The following DNAH9 variants were observed in gnomAD, a reference collection of about 807,000 sequenced individuals.
DNAH9 encodes dynein axonemal heavy chain 9.
In DNAH9, 345 loss-of-function variants were observed where a neutral mutation model predicts 471.6. The observed-to-expected ratio is 0.73, with a 90% confidence interval of 0.67 to 0.80. The LOEUF is 0.80. DNAH9 is among the 30% of genes least tolerant of loss of function. The probability of loss-of-function intolerance (pLI) is 0.00; values close to 1 mark genes in which losing one functional copy is unlikely to be tolerated. For missense variants in DNAH9, 5,407 were observed against 5,609.2 expected, an observed-to-expected ratio of 0.96 and a Z score of 1.15; for synonymous variants, 2,093 against 2,123.6, an observed-to-expected ratio of 0.99 and a Z score of 0.40.
rs1235625597 is a variant in DNAH9, at chr17:11,632,704, G to C, written c.1635+1G>C. 2 of 1,532,866 alleles carry C rather than the reference G, an allele frequency of 1.3e-6. No homozygotes were observed. Among genetic ancestry groups the C allele is most frequent in the Non-Finnish European group, 1.8e-6 (2 of 1,105,916 alleles). 95.0% of individuals were successfully genotyped at this position (1,532,866 alleles called of 1,614,324 possible). ...ACCTGGCTTGGAGCATGCCTTTAAGGTTTGTGTAAATGGGGCAGGAGCCAC... is the reference window on the plus strand; with the variant it reads ...ACCTGGCTTGGAGCATGCCTTTAAGCTTTGTGTAAATGGGGCAGGAGCCAC... On this transcript the variant is annotated splice_donor_variant, in intron 8 of 68. Transcript: ENST00000262442. LOFTEE classifies it high-confidence loss of function.
Position 11,891,844 on chromosome 17 carries a change from T to G in DNAH9, c.11180T>G (p.Val3727Gly), listed in dbSNP as rs754311481. The G allele has an allele frequency of 6.2e-7, 1 of 1,613,982 alleles. No individual in the cohort carries two copies. Among genetic ancestry groups the G allele is most frequent in the Non-Finnish European group, 8.5e-7 (1 of 1,179,992 alleles). ...AAPDESLRER[V>G]ANLIDSITFS... Reference sequence around the variant, plus strand: ...CCTGACGAAAGCCTCAGGGAGCGGGTGGCCAACCTAATAGACAGCATAACC... The same window carrying G: ...CCTGACGAAAGCCTCAGGGAGCGGGGGGCCAACCTAATAGACAGCATAACC... The change falls in exon 58 of 69, where the codon GTG (valine) becomes GGG (glycine). Residue 3727 changes from valine (V) to glycine (G), a missense_variant. Coordinates refer to ENST00000262442, the MANE Select transcript of DNAH9 (RefSeq NM_001372.4).
In DNAH9 at chr17:11,632,616, C is replaced by T; in HGVS notation, c.1548C>T (p.Asn516=). 5 of 1,604,746 alleles carry T rather than the reference C, an allele frequency of 3.1e-6. No individual in the cohort carries two copies. The highest frequency in any genetic ancestry group is 4.3e-6 in the Non-Finnish European group (5 of 1,171,624). ...TDFENDVSEF[N]QKVEDLDRRL... ...TTGAAAATGACGTCTCTGAATTTAA[C>T]CAGAAAGTAGAAGATCTTGACCGAA... The change falls in exon 8 of 69, where the codon AAC becomes AAT. Residue 516 remains asparagine (N), a synonymous_variant. Transcript: ENST00000262442.
chr17:11,752,933 C>T lies in DNAH9; in HGVS notation c.6711C>T (p.Ser2237=). The T allele has an allele frequency of 1.9e-6, 3 of 1,602,294 alleles. No homozygotes were observed. The highest frequency in any genetic ancestry group is 1.1e-5 in the South Asian group (1 of 89,538). The change falls in exon 33 of 69, where the codon TCC becomes TCT. Residue 2237 remains serine (S), a synonymous_variant. Coordinates refer to ENST00000262442, the MANE Select transcript of DNAH9 (RefSeq NM_001372.4). ...DGDIDPMWIE[S]LNTVMDDNKV... is the part of the protein sequence containing the mutation. Reference sequence around the variant, plus strand: ...ACATAGATCCAATGTGGATTGAATCCCTGAATACTGTCATGGATGATAACA... The same window carrying T: ...ACATAGATCCAATGTGGATTGAATCTCTGAATACTGTCATGGATGATAACA...
chr17:11,715,618 T>C (rs768935755), intron 26 of DNAH9, among the ~76,000 whole-genome samples: 1 of 152,306 alleles, frequency 6.6e-6, no homozygotes, highest in East Asian at 1.9e-4. Flanking sequence ...TCCATATCCA[T>C]GTTGGGACTC....
intron 26 of DNAH9, among the ~76,000 whole-genome samples, chr17:11,712,521 A>G (rs1322085875): frequency 6.6e-6 from 1 of 152,020 alleles, no homozygotes; most frequent in Non-Finnish European, 1.5e-5. Flanking sequence ...TGGCTGCACC[A>G]TTTTACATTT....
chr17:11,909,512 C>T (rs369714943), intron 61 of DNAH9, among the ~76,000 whole-genome samples: 2 of 152,198 alleles, frequency 1.3e-5, no homozygotes, highest in Admixed American at 6.5e-5. Context: ...CCCTGGCCTA[C>T]GATTTCCCCT....
chr17:11,901,475 C>T (rs973024758), intron 59 of DNAH9, among the ~76,000 whole-genome samples: 4 of 152,166 alleles, frequency 2.6e-5, no homozygotes, highest in East Asian at 1.9e-4. Flanking sequence ...GCGGGTGGAT[C>T]GCCTGAGGTC....
intron 42 of DNAH9, among the ~76,000 whole-genome samples, chr17:11,794,140 G>GTT (rs1348238059): frequency 4.8e-5 from 7 of 146,748 alleles, no homozygotes; most frequent in Non-Finnish European, 7.4e-5. Flanking sequence ...CGCCTCCCAG[G>GTT]TTCATGCCAT....
At chr17:11,910,649 T>C (rs1025211974) in intron 61 of DNAH9, among the ~76,000 whole-genome samples, 10 of 152,216 alleles carry the variant, frequency 6.6e-5, no homozygotes, top group Non-Finnish European at 1.3e-4. Flanking sequence ...CCAAAACAGA[T>C]GCACCATTTC....
Position 11,680,909 on chromosome 17 carries a change from G to A in DNAH9, c.3743+20G>A. ...GTTCAGGTATGGGCCGAACACTGCT[G>A]CCTCTCTTTCTGTGAACACTGCAGT... On this transcript the variant is annotated intron_variant, in intron 19 of 68. Coordinates refer to ENST00000262442, the MANE Select transcript of DNAH9 (RefSeq NM_001372.4). 8 of 1,592,628 alleles carry A rather than the reference G, an allele frequency of 5.0e-6. No individual in the cohort carries two copies. The highest frequency in any genetic ancestry group is 6.8e-6 in the Non-Finnish European group (8 of 1,168,332).
Position 11,875,037 on chromosome 17 carries a change from C to G in DNAH9, c.10331C>G (p.Pro3444Arg). 3 of 1,614,156 alleles carry G rather than the reference C, an allele frequency of 1.9e-6. No individual in the cohort carries two copies. Among genetic ancestry groups the G allele is most frequent in the Non-Finnish European group, 2.5e-6 (3 of 1,180,024 alleles). Residue 3444 changes from proline to arginine, a missense_variant, in exon 53 of 69, where the codon CCA becomes CGA. Coordinates refer to ENST00000262442, the MANE Select transcript of DNAH9 (RefSeq NM_001372.4). ...DVAAWQNEGLPADRMSVENAT... is the reference protein window; with the variant it reads ...DVAAWQNEGLRADRMSVENAT... The stretch of plus-strand genomic sequence containing the variant: ...GCTGCCTGGCAGAACGAGGGCCTCC[C>G]AGCCGACCGCATGTCCGTGGAGAAT...
chr17:11,637,852 A>G (rs928399242), intron 9 of DNAH9, among the ~76,000 whole-genome samples: 4 of 152,152 alleles, frequency 2.6e-5, no homozygotes, highest in African/African-American at 9.7e-5. Context: ...AGGCTTAACA[A>G]GACAAGATGC....
chr17:11,890,200 T>G (rs778869484), intron 57 of DNAH9, among the ~76,000 whole-genome samples: 3 of 152,058 alleles, frequency 2.0e-5, no homozygotes, highest in African/African-American at 4.8e-5. Context: ...AGGAGAAAGC[T>G]CTCCACTCTG....
At chr17:11,698,970 G>T (rs1358658836) in intron 22 of DNAH9, among the ~76,000 whole-genome samples, 6 of 152,080 alleles carry the variant, frequency 3.9e-5, no homozygotes, top group Non-Finnish European at 8.8e-5. Context: ...GGTGGCTATG[G>T]CCGGGTGTGG....
At chr17:11,915,913 C>T (rs1270549574) in intron 61 of DNAH9, among the ~76,000 whole-genome samples, 1 of 152,164 alleles carries the variant, frequency 6.6e-6, no homozygotes, top group African/African-American at 2.4e-5. Context: ...TCATTAACAT[C>T]CTTGATGACC....
chr17:11,652,059 A>C (rs1482787243), intron 13 of DNAH9, among the ~76,000 whole-genome samples: 1 of 152,166 alleles, frequency 6.6e-6, no homozygotes, highest in Non-Finnish European at 1.5e-5. Flanking sequence ...ACAAGTTAGA[A>C]CTTTATTTCA....
At chr17:11,830,211 G>T (rs1205964338) in intron 48 of DNAH9, among the ~76,000 whole-genome samples, 1 of 152,146 alleles carries the variant, frequency 6.6e-6, no homozygotes, top group African/African-American at 2.4e-5. Context: ...CTTTCTCTTG[G>T]CATTGCCTGG....
chr17:11,693,245 T>C (rs1210405009), intron 20 of DNAH9, among the ~76,000 whole-genome samples: 2 of 135,560 alleles, frequency 1.5e-5, no homozygotes, highest in Non-Finnish European at 3.2e-5. Flanking sequence ...CCCTTTTTTT[T>C]TTTTTTTTTT....
intron 26 of DNAH9, among the ~76,000 whole-genome samples, chr17:11,710,545 G>A (rs967993691): frequency 6.6e-6 from 1 of 152,064 alleles, no homozygotes; most frequent in African/African-American, 2.4e-5. Context: ...ATTCAAAATT[G>A]TATCAAGTTT....
Sources: gnomAD v4.1 joint callset for allele counts (sites outside exome capture counted in the v4.1 genomes callset) on GRCh38, gnomAD v4.1.1 for gene constraint, MANE v1.5 for transcripts, NCBI Gene and HGNC (gene_info 2026-07-23, HGNC 2026-07-21) for gene names.